The following PKDCC variants were observed in gnomAD, a reference collection of about 807,000 sequenced individuals.
The protein encoded by PKDCC is extracellular tyrosine-protein kinase PKDCC.
PKDCC carries 35 observed loss-of-function variants against 44.7 expected under a neutral mutation model. The ratio of observed to expected loss-of-function variants is 0.78; its 90% CI spans 0.60 to 1.04. PKDCC has a LOEUF of 1.04. Among genes scored for constraint, PKDCC ranks in the 50% least tolerant of loss-of-function variants. The pLI, the probability that PKDCC is intolerant of heterozygous loss-of-function variation, is 0.00. For synonymous variants in PKDCC, 353 were observed against 303.3 expected (o/e 1.16, Z -1.70); for missense variants, 738 against 672.7 (o/e 1.10, Z -1.07).
At chr2:42,057,100 G>A in intron 5 of PKDCC, 121 bp from the exon 6 acceptor site, 1 of 1,161,478 alleles carries the variant, frequency 8.6e-7, no homozygotes, top group South Asian at 1.4e-5. Flanking sequence ...AGAGGGCTGG[G>A]CTGGACTTCA....
At chr2:42,049,578 G>A (rs1667933950) in intron 1 of PKDCC, among the ~76,000 whole-genome samples, 1 of 152,182 alleles carries the variant, frequency 6.6e-6, no homozygotes, top group Non-Finnish European at 1.5e-5. Context: ...CTGTCTGAGT[G>A]TATATAGATA....
chr2:42,053,271 C>T lies in PKDCC; in HGVS notation c.672C>T (p.Asp224=). 2 of 1,612,866 alleles carry T rather than the reference C, an allele frequency of 1.2e-6. No individual in the cohort carries two copies. The highest frequency in any genetic ancestry group is 1.7e-6 in the Non-Finnish European group (2 of 1,179,612). Residue 224 remains aspartate, a synonymous_variant, in exon 2 of 7, where the codon GAC becomes GAT. Coordinates refer to ENST00000294964, the MANE Select transcript of PKDCC (RefSeq NM_138370.3). ...LYGYCYQDSE[D]IPDTLTTITE... The stretch of plus-strand genomic sequence containing the variant: ...GCTACTGCTACCAGGACAGCGAGGA[C>T]ATCCCAGACACCCTGACCACCATCA...
rs570183364 is a variant in PKDCC, at chr2:42,058,116, C to T, written c.*428C>T. 5.3e-6 allele frequency: 1 copy of T among 189,530 alleles called. No individual in the cohort carries two copies. Among genetic ancestry groups the T allele is most frequent in the South Asian group, 1.1e-4 (1 of 8,714 alleles). The allele number at this position is 189,530 out of a possible 1,614,324, so 11.7% of individuals were successfully genotyped here. A position where few individuals can be genotyped will look rare whatever the true frequency, so the allele number is the denominator to read the frequency against. On this transcript the variant is annotated 3_prime_UTR_variant, in exon 7 of 7. Coordinates refer to ENST00000294964, the MANE Select transcript of PKDCC (RefSeq NM_138370.3). This position sits in a 1 kb window ranked among gnomAD's most constrained non-coding sequence, Gnocchi z 4.2. ...GCGGTGGGGGCTGCGTGGGGACAATCCATCGTGGAGTGTTCTCTCAGCTTA... is the reference window on the plus strand; with the variant it reads ...GCGGTGGGGGCTGCGTGGGGACAATTCATCGTGGAGTGTTCTCTCAGCTTA...
rs1323149758 is a variant in PKDCC at position 42,055,045 on chromosome 2, T to C, written c.1114+25T>C. 2.5e-6 allele frequency: 4 copies of C among 1,604,398 alleles called. No homozygotes were observed. The highest frequency in any genetic ancestry group is 1.7e-4 in the Middle Eastern group (1 of 6,032). On this transcript the variant is annotated intron_variant, in intron 4 of 6. Coordinates refer to ENST00000294964, the MANE Select transcript of PKDCC (RefSeq NM_138370.3). The surrounding 1 kb of genome is among the most constrained non-coding windows in gnomAD (Gnocchi z 4.5). Reference sequence around the variant, plus strand: ...GGTGAGCTCTCCAGGGCCCATCTGCTTCCAGGCACCTACCCCACCCCCACC... The same window carrying C: ...GGTGAGCTCTCCAGGGCCCATCTGCCTCCAGGCACCTACCCCACCCCCACC...
chr2:42,056,410 T>C (rs1008526915), intron 5 of PKDCC, among the ~76,000 whole-genome samples: 4 of 152,208 alleles, frequency 2.6e-5, no homozygotes, highest in Non-Finnish European at 5.9e-5. Flanking sequence ...TTTTGCATTT[T>C]AGTCCATTTG....
Position 42,055,461 on chromosome 2 carries a change from T to A in PKDCC, c.1222+68T>A. Reference sequence around the variant, plus strand: ...TGGGAGGGTGAATGACCCCGCCCAATTAGGCTAAGTGGCTCACCCTTTCTC... The same window carrying A: ...TGGGAGGGTGAATGACCCCGCCCAAATAGGCTAAGTGGCTCACCCTTTCTC... On this transcript the variant is annotated intron_variant, in intron 5 of 6. Coordinates refer to ENST00000294964, the MANE Select transcript of PKDCC (RefSeq NM_138370.3). This position sits in a 1 kb window ranked among gnomAD's most constrained non-coding sequence, Gnocchi z 4.5. The A allele has an allele frequency of 1.4e-6, 2 of 1,393,224 alleles. No homozygotes were observed. The highest frequency in any genetic ancestry group is 2.0e-6 in the Non-Finnish European group (2 of 1,001,126). The allele number at this position is 1,393,224 out of a possible 1,614,324, so 86.3% of individuals were successfully genotyped here. A position where few individuals can be genotyped will look rare whatever the true frequency, so the allele number is the denominator to read the frequency against.
At position 42,054,339 on chromosome 2, in the gene PKDCC, CGAA is replaced by C. The variant is rs1558432534; in HGVS notation, c.1034+34_1034+36del. 12 of 1,571,124 alleles carry C rather than the reference CGAA, an allele frequency of 7.6e-6. No individual in the cohort carries two copies. The highest frequency in any genetic ancestry group is 1.0e-5 in the Non-Finnish European group (12 of 1,155,578). Reference sequence around the variant, plus strand: ...TCCACCCCTGACTCGGGAACTCCATCGAAGGAGAATGGGCCAGGAGGGCATGGC... The same window carrying C: ...TCCACCCCTGACTCGGGAACTCCATCGGAGAATGGGCCAGGAGGGCATGGC... On this transcript the variant is annotated intron_variant, in intron 3 of 6. Transcript: ENST00000294964. The surrounding 1 kb of genome is among the most constrained non-coding windows in gnomAD (Gnocchi z 6.1).
intron 1 of PKDCC, among the ~76,000 whole-genome samples, chr2:42,049,726 C>G (rs1399457953): frequency 6.6e-6 from 1 of 152,174 alleles, no homozygotes; most frequent in Non-Finnish European, 1.5e-5. Flanking sequence ...TTGAGTGGGC[C>G]TCTCACAGTC....
In PKDCC at chr2:42,048,693, T is replaced by C; in HGVS notation, c.494T>C (p.Leu165Pro). Reference sequence around the variant, plus strand: ...CTGCCCGGCGGTGCCGCGGTGGCGCTCAAGGCGGTGGACTTTAGCGGCCAC... The same window carrying C: ...CTGCCCGGCGGTGCCGCGGTGGCGCCCAAGGCGGTGGACTTTAGCGGCCAC... ...VRLPGGAAVA[L>P]KAVDFSGHDL... Residue 165 changes from leucine to proline, a missense_variant, in exon 1 of 7, where the codon CTC becomes CCC. Physicochemically the swap from Leu to Pro is moderately conservative, Grantham distance 98. Coordinates refer to ENST00000294964, the MANE Select transcript of PKDCC (RefSeq NM_138370.3). This position sits in a 1 kb window ranked among gnomAD's most constrained non-coding sequence, Gnocchi z 6.2. The C allele has an allele frequency of 1.3e-6, 2 of 1,550,950 alleles. No individual in the cohort carries two copies. Among genetic ancestry groups the C allele is most frequent in the Non-Finnish European group, 1.7e-6 (2 of 1,148,382 alleles).
intron 1 of PKDCC, 49 bp from the exon 2 acceptor site, chr2:42,053,190 T>TGGCCCCC: frequency 8.3e-7 from 1 of 1,200,008 alleles, no homozygotes; most frequent in Non-Finnish European, 1.2e-6. Flanking sequence ...CCCTTCCCTG[T>TGGCCCCC]CCCCACCCCC....
At position 42,048,177 on chromosome 2, in the gene PKDCC, G is replaced by C. The variant is rs1667894611; in HGVS notation, c.-23G>C. 14 of 1,080,204 alleles carry C rather than the reference G, an allele frequency of 1.3e-5. No individual in the cohort carries two copies. The highest frequency in any genetic ancestry group is 1.6e-5 in the Non-Finnish European group (14 of 895,916). The allele number at this position is 1,080,204 out of a possible 1,614,324, so 66.9% of individuals were successfully genotyped here. A position where few individuals can be genotyped will look rare whatever the true frequency, so the allele number is the denominator to read the frequency against. On this transcript the variant is annotated 5_prime_UTR_variant, in exon 1 of 7. Coordinates refer to ENST00000294964, the MANE Select transcript of PKDCC (RefSeq NM_138370.3). This position sits in a 1 kb window ranked among gnomAD's most constrained non-coding sequence, Gnocchi z 6.2. ...CGGGGCCGGGGAGCCGCGCGGGGCC[G>C]GCCGGCCGGGGGGAGGGGAGCGATG...
In PKDCC at chr2:42,055,477, A is replaced by T; in HGVS notation, c.1222+84A>T. ...CCCGCCCAATTAGGCTAAGTGGCTCACCCTTTCTCTGGGGACCCTTGTCTC... is the reference window on the plus strand; with the variant it reads ...CCCGCCCAATTAGGCTAAGTGGCTCTCCCTTTCTCTGGGGACCCTTGTCTC... On this transcript the variant is annotated intron_variant, in intron 5 of 6. Transcript: ENST00000294964. This position sits in a 1 kb window ranked among gnomAD's most constrained non-coding sequence, Gnocchi z 4.5. 1 of 1,243,570 alleles carries T rather than the reference A, an allele frequency of 8.0e-7. No individual in the cohort carries two copies. Among genetic ancestry groups the T allele is most frequent in the Non-Finnish European group, 1.1e-6 (1 of 876,856 alleles). 77.0% of individuals were successfully genotyped at this position (1,243,570 alleles called of 1,614,324 possible).
In PKDCC at chr2:42,048,300, G is replaced by T. The variant is rs1667901742; in HGVS notation, c.101G>T (p.Arg34Met). The T allele has an allele frequency of 8.0e-7, 1 of 1,251,678 alleles. No homozygotes were observed. The highest frequency in any genetic ancestry group is 4.1e-5 in the Admixed American group (1 of 24,164). 77.5% of individuals were successfully genotyped at this position (1,251,678 alleles called of 1,614,324 possible). The change falls in exon 1 of 7, where the codon AGG (arginine) becomes ATG (methionine). Residue 34 changes from arginine (R) to methionine (M), a missense_variant. Coordinates refer to ENST00000294964, the MANE Select transcript of PKDCC (RefSeq NM_138370.3). The surrounding 1 kb of genome is among the most constrained non-coding windows in gnomAD (Gnocchi z 6.2). ...VLFAPGSEPP[R>M]PGQSPEPSPA... ...TTCGCTCCGGGCTCGGAGCCTCCGA[G>T]GCCAGGCCAGTCCCCTGAGCCTTCG...
Position 42,048,217 on chromosome 2 carries a change from G to C in PKDCC, c.18G>C (p.Ala6=). ...GGGGAGCGATGCGGCGCCGGCGGGC[G>C]GCAGTGGCCGCGGGTTTCTGCGCCT... MRRRR[A]AVAAGFCASF... Residue 6 remains alanine (A), a synonymous_variant, in exon 1 of 7, where the codon GCG becomes GCC. Transcript: ENST00000294964. This position sits in a 1 kb window ranked among gnomAD's most constrained non-coding sequence, Gnocchi z 6.2. 1 of 1,211,046 alleles carries C rather than the reference G, an allele frequency of 8.3e-7. No individual in the cohort carries two copies. Among genetic ancestry groups the C allele is most frequent in the Non-Finnish European group, 1.0e-6 (1 of 964,906 alleles). 75.0% of individuals were successfully genotyped at this position (1,211,046 alleles called of 1,614,324 possible).
rs1044305 is a variant in PKDCC at position 42,057,744 on chromosome 2, T to C, written c.*56T>C. ...TATCCTCAGCAGCTGGGCTTGCCTG[T>C]GGAGGGAGTGACTTGCACTGGCAGC... On this transcript the variant is annotated 3_prime_UTR_variant, in exon 7 of 7. Transcript: ENST00000294964. 0.16 allele frequency: 247,522 copies of C among 1,505,726 alleles called. 26,600 individuals carry two copies. Among genetic ancestry groups the C allele is most frequent in the East Asian group, 0.46 (19,815 of 43,438 alleles). 93.3% of individuals were successfully genotyped at this position (1,505,726 alleles called of 1,614,324 possible).
At position 42,048,126 on chromosome 2, in the gene PKDCC, G is replaced by A. The variant is rs1490891964; in HGVS notation, c.-74G>A. 8.0e-6 allele frequency: 7 copies of A among 878,200 alleles called. No individual in the cohort carries two copies. The highest frequency in any genetic ancestry group is 9.5e-6 in the Non-Finnish European group (7 of 739,572). 54.4% of individuals were successfully genotyped at this position (878,200 alleles called of 1,614,324 possible). ...GGCCGGCGGGGCGCAGAGCGGAGCC[G>A]CCTCGGAGCCTGAGCCGCCCGGGGC... On this transcript the variant is annotated 5_prime_UTR_variant, in exon 1 of 7. Coordinates refer to ENST00000294964, the MANE Select transcript of PKDCC (RefSeq NM_138370.3). This position sits in a 1 kb window ranked among gnomAD's most constrained non-coding sequence, Gnocchi z 6.2.
chr2:42,048,296 C>A lies in PKDCC; in HGVS notation c.97C>A (p.Pro33Thr), dbSNP rs2103921770. 1 of 1,261,620 alleles carries A rather than the reference C, an allele frequency of 7.9e-7. No individual in the cohort carries two copies. The highest frequency in any genetic ancestry group is 1.0e-6 in the Non-Finnish European group (1 of 999,702). The allele number at this position is 1,261,620 out of a possible 1,614,324, so 78.2% of individuals were successfully genotyped here. ...NVLFAPGSEP[P>T]RPGQSPEPSP... ...GCTCTTCGCTCCGGGCTCGGAGCCT[C>A]CGAGGCCAGGCCAGTCCCCTGAGCC... is the stretch of plus-strand genomic sequence containing the variant. The change falls in exon 1 of 7, where the codon CCG becomes ACG. Residue 33 changes from proline to threonine, a missense_variant. Pro to Thr is a conservative substitution (Grantham distance 38). Transcript: ENST00000294964. The surrounding 1 kb of genome is among the most constrained non-coding windows in gnomAD (Gnocchi z 6.2).
In PKDCC at chr2:42,048,745, C is replaced by T. The variant is rs932750180; in HGVS notation, c.546C>T (p.Phe182=). The T allele has an allele frequency of 2.5e-6, 4 of 1,579,776 alleles. No homozygotes were observed. The highest frequency in any genetic ancestry group is 1.7e-4 in the Middle Eastern group (1 of 6,008). The change falls in exon 1 of 7, where the codon TTC becomes TTT. Residue 182 remains phenylalanine (F), a synonymous_variant. Coordinates refer to ENST00000294964, the MANE Select transcript of PKDCC (RefSeq NM_138370.3). The surrounding 1 kb of genome is among the most constrained non-coding windows in gnomAD (Gnocchi z 6.2). ...ATCTGGGCAGCTGCGTGCGCGAGTTCGGGGTACGGAGGGGCTGCTATCGGC... is the reference window on the plus strand; with the variant it reads ...ATCTGGGCAGCTGCGTGCGCGAGTTTGGGGTACGGAGGGGCTGCTATCGGC... ...GHDLGSCVRE[F]GVRRGCYRLA... is the part of the protein sequence containing the mutation.
chr2:42,053,426 G>A, intron 2 of PKDCC, 65 bp downstream of exon 2: 2 of 1,522,462 alleles, frequency 1.3e-6, no homozygotes, highest in Non-Finnish European at 1.8e-6. Flanking sequence ...TAGAAGGCCA[G>A]CCCTCCAAAG....
Sources: gnomAD v4.1 joint callset for allele counts (sites outside exome capture counted in the v4.1 genomes callset) on GRCh38, gnomAD v4.1.1 for gene constraint, Gnocchi (gnomAD v3.1) non-coding constraint, MANE v1.5 for transcripts, NCBI Gene and HGNC (gene_info 2026-07-23, HGNC 2026-07-21) for gene names.